Variants in RFNG observed in about 807,000 individuals in gnomAD.
RFNG encodes RFNG O-fucosylpeptide 3-beta-N-acetylglucosaminyltransferase.
RFNG carries 37 observed loss-of-function variants against 29.6 expected under a neutral mutation model. The observed-to-expected ratio is 1.25, with a 90% confidence interval of 0.96 to 1.65. The LOEUF is 1.65. Ranked by LOEUF, RFNG falls within the 40% of genes most tolerant of loss-of-function variation. The probability of loss-of-function intolerance (pLI) is 0.00; values close to 1 mark genes in which losing one functional copy is unlikely to be tolerated. For synonymous variants in RFNG, 276 were observed against 197.3 expected, an observed-to-expected ratio of 1.40 and a Z score of -3.34; for missense variants, 546 against 457.0, an observed-to-expected ratio of 1.19 and a Z score of -1.78.
intron 7 of RFNG, 22 bp from the exon 8 acceptor site, chr17:82,048,829 G>C (rs1217454032): frequency 6.3e-7 from 1 of 1,598,568 alleles, no homozygotes; most frequent in Non-Finnish European, 8.6e-7. Context: ...AGAAGTAGGG[G>C]TCAGGGCCGT....
Position 82,050,383 on chromosome 17 carries a change from C to G in RFNG, c.573+19G>C. On this transcript the variant is annotated intron_variant, in intron 4 of 7. Transcript: ENST00000310496. Reference sequence around the variant, plus strand: ...TCAAGGAAGGCGTCTGCTCCGATGGCGTCTGCTCCGACACTCACAGTTCTG... The same window carrying G: ...TCAAGGAAGGCGTCTGCTCCGATGGGGTCTGCTCCGACACTCACAGTTCTG... The G allele has an allele frequency of 6.4e-7, 1 of 1,551,788 alleles. No individual in the cohort carries two copies. The highest frequency in any genetic ancestry group is 8.7e-7 in the Non-Finnish European group (1 of 1,155,466).
intron 6 of RFNG, chr17:82,049,358 C>G: frequency 1.4e-6 from 1 of 698,958 alleles, no homozygotes; most frequent in Non-Finnish European, 2.6e-6. Context: ...CCCTCATTCC[C>G]TCCCTGCTCC....
In RFNG at chr17:82,048,500, G is replaced by A. The variant is rs569893950; in HGVS notation, c.*226C>T. 3.9e-5 allele frequency: 22 copies of A among 567,028 alleles called. No homozygotes were observed. The highest frequency in any genetic ancestry group is 3.3e-4 in the East Asian group (11 of 33,704). 35.1% of individuals were successfully genotyped at this position (567,028 alleles called of 1,614,324 possible). On this transcript the variant is annotated 3_prime_UTR_variant, in exon 8 of 8. Coordinates refer to ENST00000310496, the MANE Select transcript of RFNG (RefSeq NM_002917.2). ...GCTGGGTCGGGGGGAGGGGCACTGC[G>A]GCCCTGGCCATCAGCCTGGCTGTCT...
intron 6 of RFNG, chr17:82,049,434 G>A (rs749311340): frequency 2.1e-5 from 15 of 704,192 alleles, no homozygotes; most frequent in South Asian, 1.5e-4. Context: ...AGCTGGCATG[G>A]GGCCTCACTG....
rs1468915003 is a variant in RFNG, at chr17:82,051,528, C to T, written c.239G>A (p.Arg80His). ...CTGGCGGGCCCGGGAGATCCAGGTG[C>T]GCAGCAGCAGCCGCAGGCGCGGCCC... ...NHGPRLRLLL[R>H]TWISRARQQT... is the part of the protein sequence containing the mutation. The change falls in exon 1 of 8, where the codon CGC (arginine) becomes CAC (histidine). Residue 80 changes from arginine (R) to histidine (H), a missense_variant. By Grantham distance (29) the Arg-to-His change is conservative. Transcript: ENST00000310496. This position sits in a 1 kb window ranked among gnomAD's most constrained non-coding sequence, Gnocchi z 4.1. The T allele has an allele frequency of 1.4e-6, 2 of 1,398,118 alleles. No homozygotes were observed. Among genetic ancestry groups the T allele is most frequent in the East Asian group, 3.2e-5 (1 of 31,494 alleles). 86.6% of individuals were successfully genotyped at this position (1,398,118 alleles called of 1,614,324 possible). A position where few individuals can be genotyped will look rare whatever the true frequency, so the allele number is the denominator to read the frequency against.
In RFNG at chr17:82,051,476, C is replaced by CGTCGGG. The variant is rs2030571778; in HGVS notation, c.267+18_267+23dup. 1.7e-5 allele frequency: 23 copies of CGTCGGG among 1,349,434 alleles called. No homozygotes were observed. Among genetic ancestry groups the CGTCGGG allele is most frequent in the Middle Eastern group, 5.5e-4 (2 of 3,644 alleles). 83.6% of individuals were successfully genotyped at this position (1,349,434 alleles called of 1,614,324 possible). ...CGGGGCGGGTGGGCGTGGGGCTCGC[C>CGTCGGG]GTCGGGGTCGGGGTCCGGCGCACCT... On this transcript the variant is annotated intron_variant, in intron 1 of 7. Transcript: ENST00000310496. This position sits in a 1 kb window ranked among gnomAD's most constrained non-coding sequence, Gnocchi z 4.1.
Position 82,049,805 on chromosome 17 carries a change from G to T in RFNG, c.700C>A (p.Leu234Met). 1 of 1,555,494 alleles carries T rather than the reference G, an allele frequency of 6.4e-7. No homozygotes were observed. Residue 234 changes from leucine to methionine, a missense_variant, in exon 6 of 8, where the codon CTG becomes ATG. By Grantham distance (15) the Leu-to-Met change is conservative. Transcript: ENST00000310496. The part of the protein sequence containing the change: ...SFMSTAEQVR[L>M]PDDCTVGYIV... ...TAGCCAACTGTGCAGTCATCCGGCAGCCGCACCTGCTCAGCTGTGCTCATG... is the reference window on the plus strand; with the variant it reads ...TAGCCAACTGTGCAGTCATCCGGCATCCGCACCTGCTCAGCTGTGCTCATG...
In RFNG at chr17:82,051,062, A is replaced by C; in HGVS notation, c.316+232T>G. The C allele has an allele frequency of 7.3e-7, 1 of 1,377,524 alleles. No individual in the cohort carries two copies. The highest frequency in any genetic ancestry group is 9.3e-7 in the Non-Finnish European group (1 of 1,071,152). 85.3% of individuals were successfully genotyped at this position (1,377,524 alleles called of 1,614,324 possible). A position where few individuals can be genotyped will look rare whatever the true frequency, so the allele number is the denominator to read the frequency against. On this transcript the variant is annotated intron_variant, in intron 2 of 7. Coordinates refer to ENST00000310496, the MANE Select transcript of RFNG (RefSeq NM_002917.2). This position sits in a 1 kb window ranked among gnomAD's most constrained non-coding sequence, Gnocchi z 4.1. ...CTGGCGCTTCTTCAGGGGACGTGGC[A>C]CTAGCCCCACGCCCCGGGAAGCGGC...
At chr17:82,051,000 G>C in intron 2 of RFNG, 1 of 1,416,212 alleles carries the variant, frequency 7.1e-7, no homozygotes, top group South Asian at 1.6e-5. Context: ...GACGGAGGCA[G>C]CTCGCCCTGA....
chr17:82,050,780 G>C lies in RFNG; in HGVS notation c.317-16C>G, dbSNP rs1296086222. 3.7e-6 allele frequency: 6 copies of C among 1,610,918 alleles called. No homozygotes were observed. The African/African-American group carries it at 4.0e-5, about 11-fold the overall frequency. On this transcript the variant is annotated splice_polypyrimidine_tract_variant and intron_variant, in intron 2 of 7. Transcript: ENST00000310496. ...ACACGGTCGCCTGCGAATCAGAGAC[G>C]GGAAGCACGCACGTAGAGGATGGCA...
rs750139352 is a variant in RFNG, at chr17:82,049,695, G to C, written c.810C>G (p.Pro270=). 6.8e-7 allele frequency: 1 copy of C among 1,479,126 alleles called. No homozygotes were observed. Among genetic ancestry groups the C allele is most frequent in the Non-Finnish European group, 9.0e-7 (1 of 1,115,600 alleles). The allele number at this position is 1,479,126 out of a possible 1,614,324, so 91.6% of individuals were successfully genotyped here. A position where few individuals can be genotyped will look rare whatever the true frequency, so the allele number is the denominator to read the frequency against. The change falls in exon 6 of 8, where the codon CCC becomes CCG. Residue 270 remains proline (P), a synonymous_variant. Transcript: ENST00000310496. The part of the protein sequence containing the change: ...SHLENLQRLP[P]DTLLQQVTLS... The stretch of plus-strand genomic sequence containing the variant: ...CCTGTACCTGCTGGAGCAGGGTGTC[G>C]GGCGGCAGCCTCTGCAGGTTCTCCA...
At position 82,049,048 on chromosome 17, in the gene RFNG, C is replaced by A. The variant is rs757168363; in HGVS notation, c.897G>T (p.Leu299=). The part of the protein sequence containing the change: ...NVVNVAGGFS[L]HQDPTRFKSI... The stretch of plus-strand genomic sequence containing the variant: ...CTACTCACCGTGTGGGGTCTTGATG[C>A]AGGCTGAAGCCTCCAGCCACGTTCA... Residue 299 remains leucine (L), a synonymous_variant, in exon 7 of 8, where the codon CTG becomes CTT. Transcript: ENST00000310496. 5.6e-6 allele frequency: 9 copies of A among 1,613,364 alleles called. No individual in the cohort carries two copies. Among genetic ancestry groups the A allele is most frequent in the Non-Finnish European group, 7.6e-6 (9 of 1,179,860 alleles).
intron 4 of RFNG, 130 bp downstream of exon 4, chr17:82,050,272 A>C (rs2030280910): frequency 6.1e-6 from 7 of 1,143,860 alleles, no homozygotes; most frequent in Admixed American, 5.3e-5. Context: ...CATGCAAACC[A>C]CCTGGGTGGA....
Position 82,051,731 on chromosome 17 carries a change from G to T in RFNG, c.36C>A (p.Cys12Ter). ...SRARGALCRA[C>*]LALAAALAAL... ...CGGCCAGGGCCGCGGCCAGCGCGAG[G>T]CAGGCCCGGCACAGCGCCCCACGCG... is the stretch of plus-strand genomic sequence containing the variant. Residue 12 changes from cysteine (C) to a stop codon, truncating the protein, a stop_gained, in exon 1 of 8, where the codon TGC becomes TGA. Transcript: ENST00000310496. LOFTEE classifies it high-confidence loss of function. The surrounding 1 kb of genome is among the most constrained non-coding windows in gnomAD (Gnocchi z 4.1). 9.4e-7 allele frequency: 1 copy of T among 1,065,178 alleles called. No homozygotes were observed. The highest frequency in any genetic ancestry group is 4.2e-5 in the South Asian group (1 of 23,564). 66.0% of individuals were successfully genotyped at this position (1,065,178 alleles called of 1,614,324 possible).
Position 82,051,791 on chromosome 17 carries a change from G to T in RFNG, c.-25C>A. On this transcript the variant is annotated 5_prime_UTR_variant, in exon 1 of 8. Coordinates refer to ENST00000310496, the MANE Select transcript of RFNG (RefSeq NM_002917.2). The surrounding 1 kb of genome is among the most constrained non-coding windows in gnomAD (Gnocchi z 4.1). Reference sequence around the variant, plus strand: ...TGCGGCCGCCGGGACCCCCGGCGCTGCGAGCGGAGAACCTGGCCGGAGCCG... The same window carrying T: ...TGCGGCCGCCGGGACCCCCGGCGCTTCGAGCGGAGAACCTGGCCGGAGCCG... 4 of 1,123,242 alleles carry T rather than the reference G, an allele frequency of 3.6e-6. No homozygotes were observed. Among genetic ancestry groups the T allele is most frequent in the Non-Finnish European group, 4.4e-6 (4 of 918,884 alleles). 69.6% of individuals were successfully genotyped at this position (1,123,242 alleles called of 1,614,324 possible). A position where few individuals can be genotyped will look rare whatever the true frequency, so the allele number is the denominator to read the frequency against.
chr17:82,049,751 G>A lies in RFNG; in HGVS notation c.754C>T (p.Leu252=). The change falls in exon 6 of 8, where the codon CTG becomes TTG. Residue 252 remains leucine, a synonymous_variant. Coordinates refer to ENST00000310496, the MANE Select transcript of RFNG (RefSeq NM_002917.2). ...YIVEGLLGAR[L]LHSPLFHSHL... Reference sequence around the variant, plus strand: ...GAGTGGAAGAGGGGGCTGTGCAGCAGGCGGGCGCCCAGGAGCCCCTCCACG... The same window carrying A: ...GAGTGGAAGAGGGGGCTGTGCAGCAAGCGGGCGCCCAGGAGCCCCTCCACG... The A allele has an allele frequency of 6.6e-7, 1 of 1,521,670 alleles. No homozygotes were observed. The highest frequency in any genetic ancestry group is 8.8e-7 in the Non-Finnish European group (1 of 1,138,148). The allele number at this position is 1,521,670 out of a possible 1,614,324, so 94.3% of individuals were successfully genotyped here.
chr17:82,049,272 A>G (rs1396912245), intron 6 of RFNG, 156 bp from the exon 7 acceptor site: 3 of 720,816 alleles, frequency 4.2e-6, no homozygotes, highest in East Asian at 5.4e-5. Context: ...GCATGGCATG[A>G]GCTGAGTAGG....
In RFNG at chr17:82,051,264, C is replaced by T; in HGVS notation, c.316+30G>A. ...CGAGAAAGGCTCGGGGGGCAGATCC[C>T]GCGGGCGCCGGGGAGTGGGGGACAC... On this transcript the variant is annotated intron_variant, in intron 2 of 7. Coordinates refer to ENST00000310496, the MANE Select transcript of RFNG (RefSeq NM_002917.2). The surrounding 1 kb of genome is among the most constrained non-coding windows in gnomAD (Gnocchi z 4.1). The T allele has an allele frequency of 7.4e-7, 1 of 1,345,224 alleles. No homozygotes were observed. Among genetic ancestry groups the T allele is most frequent in the Admixed American group, 3.6e-5 (1 of 27,968 alleles). The allele number at this position is 1,345,224 out of a possible 1,614,324, so 83.3% of individuals were successfully genotyped here.
At position 82,050,349 on chromosome 17, in the gene RFNG, G is replaced by A. The variant is rs143531378; in HGVS notation, c.573+53C>T. 1.1e-3 allele frequency: 1,653 copies of A among 1,516,836 alleles called. 8 individuals are homozygous for A. The highest frequency in any genetic ancestry group is 0.01 in the African/African-American group (745 of 71,816). 94.0% of individuals were successfully genotyped at this position (1,516,836 alleles called of 1,614,324 possible). A position where few individuals can be genotyped will look rare whatever the true frequency, so the allele number is the denominator to read the frequency against. ...TTCCACGCCCTCTGCTGTGCCTCCC[G>A]GGCTGGTGTCAAGGAAGGCGTCTGC... On this transcript the variant is annotated intron_variant, in intron 4 of 7. Coordinates refer to ENST00000310496, the MANE Select transcript of RFNG (RefSeq NM_002917.2).
Sources: allele counts gnomAD v4.1 joint callset, GRCh38; gene constraint gnomAD v4.1.1; non-coding constraint Gnocchi (gnomAD v3.1); transcripts MANE v1.5; gene names NCBI Gene and HGNC (gene_info 2026-07-23, HGNC 2026-07-21).